The following GNG2 variants were observed in gnomAD, a reference collection of about 807,000 sequenced individuals.
GNG2 encodes the protein G protein subunit gamma 2.
GNG2 carries 5 observed loss-of-function variants against 5.5 expected under a neutral mutation model. That is an observed-to-expected ratio of 0.91 (90% CI 0.48 to 1.92). The LOEUF is 1.92. Ranked by LOEUF, GNG2 falls within the 30% of genes most tolerant of loss-of-function variation. The pLI is 0.01. For missense variants in GNG2, 55 were observed against 88.4 expected (o/e 0.62, Z 1.52); for synonymous variants, 28 against 32.0 (o/e 0.88, Z 0.42).
At chr14:51,873,974 A>G (rs1883475475) in intron 1 of GNG2, 2 of 152,230 alleles carry the variant, frequency 1.3e-5, no homozygotes, top group African/African-American at 4.8e-5. Flanking sequence ...TGCCAAATCT[A>G]TTACTACTCC....
chr14:51,845,701 G>A lies in GNG2; in HGVS notation c.64+17894G>A, dbSNP rs182879186. Among the ~76,000 whole-genome samples the A allele has an allele frequency of 8.5e-5, 13 of 152,138 alleles. No individual in the cohort carries two copies. The East Asian group carries it at 2.1e-3, about 25-fold the overall frequency. On this transcript the variant is annotated intron_variant, in intron 2 of 3. Transcript: ENST00000553432. ...CAGATGTCAGAATATCAAAAGCCCC[G>A]AGAAGTCCCATGGTAAATAAACCTG...
At chr14:51,916,488 A>C in intron 2 of GNG2, 1 of 450,286 alleles carries the variant, frequency 2.2e-6, no homozygotes, top group South Asian at 1.6e-5. Context: ...AAGTGCTAAA[A>C]ATTTTCCACG....
chr14:51,884,646 C>T (rs527770866), intron 2 of GNG2, among the ~76,000 whole-genome samples: 3 of 152,196 alleles, frequency 2.0e-5, no homozygotes, highest in Admixed American at 6.5e-5. Context: ...GGGTGCAGAC[C>T]GAAGATCTGG....
At chr14:51,877,278 T>C (rs942922456) in intron 1 of GNG2, among the ~76,000 whole-genome samples, 6 of 152,210 alleles carry the variant, frequency 3.9e-5, no homozygotes, top group Admixed American at 3.3e-4. Flanking sequence ...AGATTGTTCT[T>C]ATTCATTCCA....
At chr14:51,953,970 A>G (rs1035052454) in intron 3 of GNG2, among the ~76,000 whole-genome samples, 1 of 152,190 alleles carries the variant, frequency 6.6e-6, no homozygotes, top group African/African-American at 2.4e-5. Context: ...GTGGCAAAGA[A>G]TAGGACTCTT....
At chr14:51,952,250 G>A (rs1889019782) in intron 3 of GNG2, 1 of 228,360 alleles carries the variant, frequency 4.4e-6, no homozygotes, top group African/African-American at 2.3e-5. Flanking sequence ...GCCTAGTAAT[G>A]GACCACAGGA....
At chr14:51,829,789 T>C (rs1236224347) in intron 2 of GNG2, among the ~76,000 whole-genome samples, 2 of 151,950 alleles carry the variant, frequency 1.3e-5, no homozygotes, top group Non-Finnish European at 2.9e-5. Flanking sequence ...TAATGTTCAG[T>C]TCTCAGTGTT....
intron 2 of GNG2, among the ~76,000 whole-genome samples, chr14:51,897,190 A>T (rs927225243): frequency 5.3e-5 from 8 of 152,208 alleles, no homozygotes; most frequent in African/African-American, 1.9e-4. Flanking sequence ...ATTTAGGAAT[A>T]TATGTTGTAT....
At chr14:51,957,712 G>C (rs1889352111) in intron 3 of GNG2, among the ~76,000 whole-genome samples, 1 of 152,146 alleles carries the variant, frequency 6.6e-6, no homozygotes, top group Non-Finnish European at 1.5e-5. Context: ...TTTAGCGAGA[G>C]GACCAAGTTC....
At chr14:51,859,746 G>A (rs892652424), upstream of GNG2, among the ~76,000 whole-genome samples, 2 of 152,260 alleles carry the variant, frequency 1.3e-5, no homozygotes, top group Admixed American at 6.5e-5. Flanking sequence ...TGGGTTCTAC[G>A]ATATTACCTC....
At chr14:51,896,064 C>T (rs181583853) in intron 2 of GNG2, among the ~76,000 whole-genome samples, 6 of 152,278 alleles carry the variant, frequency 3.9e-5, no homozygotes, top group Admixed American at 3.9e-4. Context: ...GACTAATATA[C>T]CCACTAACCC....
chr14:51,873,111 T>C (rs953062204), intron 1 of GNG2, among the ~76,000 whole-genome samples: 1 of 152,240 alleles, frequency 6.6e-6, no homozygotes, highest in African/African-American at 2.4e-5. Context: ...TCTTGGAGTG[T>C]TTAAGGAATA....
intron 2 of GNG2, among the ~76,000 whole-genome samples, chr14:51,927,133 G>A (rs1473456422): frequency 2.6e-5 from 4 of 152,272 alleles, no homozygotes; most frequent in Non-Finnish European, 4.4e-5. Flanking sequence ...AAGATCTCAT[G>A]TTATTTACTG....
chr14:51,957,681 A>T (rs565386847), intron 3 of GNG2, among the ~76,000 whole-genome samples: 1 of 152,178 alleles, frequency 6.6e-6, no homozygotes, highest in Admixed American at 6.6e-5. Context: ...TAAGTATGCA[A>T]ATCATCCCAG....
At chr14:51,831,585 C>G (rs546604190) in intron 2 of GNG2, among the ~76,000 whole-genome samples, 43 of 152,296 alleles carry the variant, frequency 2.8e-4, no homozygotes, top group African/African-American at 9.9e-4. Flanking sequence ...GTTTGAGCAA[C>G]CAATTCTGAG....
At chr14:51,915,130 A>G (rs1292913363) in intron 2 of GNG2, among the ~76,000 whole-genome samples, 1 of 152,212 alleles carries the variant, frequency 6.6e-6, no homozygotes, top group Non-Finnish European at 1.5e-5. Context: ...TTTAGAGCTT[A>G]AGTGTATGAA....
intron 2 of GNG2, among the ~76,000 whole-genome samples, chr14:51,894,389 A>ACT (rs5808640): frequency 0.35 from 52,477 of 151,982 alleles, 9,692 homozygotes; most frequent in Non-Finnish European, 0.42. Flanking sequence ...AGACTAACAT[A>ACT]CTGAGGAGTT....
chr14:51,863,091 T>C (rs1437817618), intron 1 of GNG2, among the ~76,000 whole-genome samples: 1 of 152,098 alleles, frequency 6.6e-6, no homozygotes, highest in East Asian at 1.9e-4. Flanking sequence ...GTGAATGTGT[T>C]TGTTTGACTG....
chr14:51,909,053 A>G lies in GNG2; in HGVS notation c.-30+31396A>G, dbSNP rs914925330. Among the ~76,000 whole-genome samples, 7 of 152,308 alleles carry G rather than the reference A, an allele frequency of 4.6e-5. No individual in the cohort carries two copies. In the South Asian group the frequency reaches 8.3e-4, roughly 18 times the overall value. ...GATATTTACCTATCATTATAAAATA[A>G]AGAACTGCACTATTCTGAATCTCAT... On this transcript the variant is annotated intron_variant, in intron 2 of 3. Coordinates refer to ENST00000556766, the MANE Select transcript of GNG2 (RefSeq NM_053064.5).
Sources: allele counts gnomAD v4.1 joint callset (sites outside exome capture counted in the v4.1 genomes callset), GRCh38; gene constraint gnomAD v4.1.1; transcripts MANE v1.5; gene names NCBI Gene and HGNC (gene_info 2026-07-23, HGNC 2026-07-21).